RARB: variants seen among roughly 807,000 people sequenced by gnomAD.
RARB encodes HBV-activated protein.
Under a neutral mutation model 51.9 loss-of-function variants are expected in RARB, and 17 were observed. The ratio of observed to expected loss-of-function variants is 0.33; its 90% CI spans 0.22 to 0.49. The LOEUF is 0.49. Ranked by LOEUF, RARB falls within the 20% of genes least tolerant of loss-of-function variation. The probability of loss-of-function intolerance (pLI) is 0.99; values close to 1 mark genes in which losing one functional copy is unlikely to be tolerated. For synonymous variants in RARB, 215 were observed against 195.4 expected (o/e 1.10, Z -0.84); for missense variants, 369 against 550.8 (o/e 0.67, Z 3.30).
At chr3:25,499,002 CTG>C (rs1346703596) in intron 2 of RARB, among the ~76,000 whole-genome samples, 21 of 152,260 alleles carry the variant, frequency 1.4e-4, no homozygotes, top group African/African-American at 4.1e-4. Flanking sequence ...CAAAAATAAA[CTG>C]TGTTTTCTTG....
intron 2 of RARB, among the ~76,000 whole-genome samples, chr3:25,057,838 A>C (rs960641857): frequency 2.0e-5 from 3 of 151,988 alleles, no homozygotes; most frequent in Admixed American, 1.3e-4. Context: ...ATGTATTCAG[A>C]ACTTGACCAA....
intron 3 of RARB, among the ~76,000 whole-genome samples, chr3:25,506,343 C>T (rs1308391082): frequency 6.6e-6 from 1 of 151,180 alleles, no homozygotes; most frequent in Non-Finnish European, 1.5e-5. Context: ...CAGTAGCTCA[C>T]ACTTGCAATC....
At chr3:24,960,150 G>C (rs1575092333) in intron 2 of RARB, among the ~76,000 whole-genome samples, 1 of 152,168 alleles carries the variant, frequency 6.6e-6, no homozygotes, top group African/African-American at 2.4e-5. Context: ...CCTCCTGATA[G>C]TTATAATGGG....
intron 2 of RARB, among the ~76,000 whole-genome samples, chr3:25,041,981 A>T (rs1272105492): frequency 6.6e-6 from 1 of 152,164 alleles, no homozygotes; most frequent in East Asian, 1.9e-4. Context: ...TCCCCAGGGC[A>T]GGGTGCAAAC....
intron 5 of RARB, among the ~76,000 whole-genome samples, chr3:25,383,102 G>C (rs901463562): frequency 2.6e-5 from 4 of 152,188 alleles, no homozygotes; most frequent in African/African-American, 9.7e-5. Context: ...ACAAATTCCT[G>C]TGTTTGATCA....
chr3:25,281,170 G>A (rs1703512527), intron 5 of RARB, among the ~76,000 whole-genome samples: 1 of 152,178 alleles, frequency 6.6e-6, no homozygotes, highest in African/African-American at 2.4e-5. Context: ...TGGTATGTGA[G>A]GATGTGTGTT....
chr3:25,540,042 T>C (rs1699312542), intron 3 of RARB, among the ~76,000 whole-genome samples: 1 of 152,200 alleles, frequency 6.6e-6, no homozygotes, highest in Non-Finnish European at 1.5e-5. Context: ...GCTTTGGTTC[T>C]ACACAGGGGT....
chr3:25,192,856 C>T (rs1463429524), intron 5 of RARB, among the ~76,000 whole-genome samples: 1 of 151,978 alleles, frequency 6.6e-6, no homozygotes, highest in Non-Finnish European at 1.5e-5. Flanking sequence ...TCTAGTCCCT[C>T]GTAGACAAAC....
At chr3:25,341,442 C>T (rs1705224466) in intron 5 of RARB, among the ~76,000 whole-genome samples, 1 of 152,134 alleles carries the variant, frequency 6.6e-6, no homozygotes, top group African/African-American at 2.4e-5. Context: ...GAATTTGCCA[C>T]CTATTTTGTC....
At chr3:25,298,567 C>T (rs1042037254) in intron 5 of RARB, among the ~76,000 whole-genome samples, 4 of 152,080 alleles carry the variant, frequency 2.6e-5, no homozygotes, top group Non-Finnish European at 5.9e-5. Flanking sequence ...TGGTGATTTG[C>T]ATAGTGGTGA....
chr3:25,450,594 C>G (rs1231205897), intron 1 of RARB, among the ~76,000 whole-genome samples: 1 of 152,116 alleles, frequency 6.6e-6, no homozygotes, highest in African/African-American at 2.4e-5. Context: ...CAGTGTTTTT[C>G]AACCTCAGCA....
chr3:25,186,916 T>TGG (rs1297524328), intron 5 of RARB, among the ~76,000 whole-genome samples: 5 of 150,728 alleles, frequency 3.3e-5, no homozygotes, highest in Non-Finnish European at 5.9e-5. Context: ...TGTGTGTGTG[T>TGG]GTGTGTGTGT....
intron 3 of RARB, among the ~76,000 whole-genome samples, chr3:25,077,019 G>A (rs559675774): frequency 6.6e-6 from 1 of 152,198 alleles, no homozygotes; most frequent in East Asian, 1.9e-4. Context: ...TGGAAAAGGA[G>A]CAACTTCTGT....
At chr3:25,403,377 A>G (rs1707317917) in intron 5 of RARB, among the ~76,000 whole-genome samples, 1 of 152,176 alleles carries the variant, frequency 6.6e-6, no homozygotes, top group Non-Finnish European at 1.5e-5. Flanking sequence ...GTACCCATAA[A>G]TATATATACT....
chr3:25,596,321 G>A lies in RARB; in HGVS notation c.1151-99G>A, dbSNP rs1423368158. 5 of 984,456 alleles carry A rather than the reference G, an allele frequency of 5.1e-6. No individual in the cohort carries two copies. The African/African-American group carries it at 8.2e-5, about 16-fold the overall frequency. The allele number at this position is 984,456 out of a possible 1,614,324, so 61.0% of individuals were successfully genotyped here. ...TCATAATTCCTAAGCAAGAATCTTA[G>A]GAAACACCTCTGTTAAAATATATGA... On this transcript the variant is annotated intron_variant, in intron 7 of 7. Transcript: ENST00000330688.
At chr3:25,157,350 T>TGTGTGTGTGTG (rs1700392801) in intron 4 of RARB, among the ~76,000 whole-genome samples, 3 of 145,000 alleles carry the variant, frequency 2.1e-5, no homozygotes, top group African/African-American at 7.7e-5. Context: ...GTGTGTGTGT[T>TGTGTGTGTGTG]TGTGTGTGTG....
At chr3:25,106,546 G>T (rs1168774317) in intron 3 of RARB, among the ~76,000 whole-genome samples, 1 of 145,558 alleles carries the variant, frequency 6.9e-6, no homozygotes, top group Non-Finnish European at 1.5e-5. Context: ...CAAGCAATCT[G>T]CCCCTCTCAT....
intron 4 of RARB, among the ~76,000 whole-genome samples, chr3:25,160,023 A>G (rs1478783969): frequency 1.3e-5 from 2 of 152,210 alleles, no homozygotes; most frequent in Non-Finnish European, 2.9e-5. Context: ...AACGTTTAAA[A>G]AACAAAACAC....
intron 2 of RARB, among the ~76,000 whole-genome samples, chr3:24,907,941 T>C (rs6787501): frequency 0.77 from 116,333 of 151,986 alleles, 45,065 homozygotes; most frequent in East Asian, 0.87. Context: ...CCAAGGAGCA[T>C]CCTTTGGAAA....
Sources: gnomAD v4.1 joint callset for allele counts (sites outside exome capture counted in the v4.1 genomes callset) on GRCh38, gnomAD v4.1.1 for gene constraint, MANE v1.5 for transcripts, NCBI Gene and HGNC (gene_info 2026-07-23, HGNC 2026-07-21) for gene names.